ABCA13: variants seen among roughly 807,000 people sequenced by gnomAD.
The protein encoded by ABCA13 is ATP-binding cassette sub-family A member 13.
Under a neutral mutation model 478.7 loss-of-function variants are expected in ABCA13, and 476 were observed. The ratio of observed to expected loss-of-function variants is 0.99; its 90% CI spans 0.92 to 1.07. The LOEUF (loss-of-function observed/expected upper bound fraction) is 1.07. ABCA13 is among the 50% of genes least tolerant of loss of function. ABCA13 has a pLI of 0.00. For missense variants in ABCA13, 6,060 were observed against 5,910.6 expected (o/e 1.03, Z -0.83); for synonymous variants, 2,252 against 2,158.9 (o/e 1.04, Z -1.20).
intron 27 of ABCA13, among the ~76,000 whole-genome samples, chr7:48,329,051 A>T (rs764582112): frequency 6.6e-6 from 1 of 152,200 alleles, no homozygotes; most frequent in Non-Finnish European, 1.5e-5. Flanking sequence ...AGCAGTAGAG[A>T]TGGGAAACAG....
At chr7:48,246,125 A>G (rs1791636053) in intron 13 of ABCA13, 95 bp downstream of exon 13, 3 of 1,382,974 alleles carry the variant, frequency 2.2e-6, no homozygotes, top group African/African-American at 1.4e-5. Context: ...TCGATGAGGA[A>G]AGTTTTGCCG....
chr7:48,391,884 A>T (rs1203291709), intron 37 of ABCA13, 37 bp from the exon 38 acceptor site: 1 of 1,583,708 alleles, frequency 6.3e-7, no homozygotes, highest in Non-Finnish European at 8.6e-7. Flanking sequence ...AGTATCAGCA[A>T]CGCGTATTCT....
intron 59 of ABCA13, among the ~76,000 whole-genome samples, chr7:48,624,059 A>AGTGT (rs3078326): frequency 0.08 from 11,350 of 142,424 alleles, 438 homozygotes; most frequent in African/African-American, 0.09. Context: ...CACATGATAG[A>AGTGT]GTGTGTGTGT....
chr7:48,401,840 A>T (rs969449498), intron 38 of ABCA13, among the ~76,000 whole-genome samples: 5 of 152,154 alleles, frequency 3.3e-5, no homozygotes, highest in Admixed American at 2.6e-4. Context: ...CATCAGGAAA[A>T]CAGGCCTCCA....
intron 59 of ABCA13, among the ~76,000 whole-genome samples, chr7:48,623,457 A>T (rs922339136): frequency 3.3e-5 from 5 of 152,154 alleles, no homozygotes; most frequent in East Asian, 3.9e-4. Flanking sequence ...TCTGCTTTAC[A>T]TCCTTGATCT....
chr7:48,506,379 C>G lies in ABCA13; in HGVS notation c.13335C>G (p.Asn4445Lys), dbSNP rs746139643. 3 of 1,613,598 alleles carry G rather than the reference C, an allele frequency of 1.9e-6. No individual in the cohort carries two copies. The African/African-American group carries it at 4.0e-5, about 22-fold the overall frequency. ...YSHPYGGALL[N>K]EDKILESIRQ... ...ACCCATATGGAGGGGCCTTGCTGAA[C>G]GAGGACAAGATGTGAGTTGATGGAA... Residue 4445 changes from asparagine to lysine, a missense_variant, in exon 49 of 62, where the codon AAC becomes AAG. Physicochemically the swap from Asn to Lys is moderately conservative, Grantham distance 94. This residue lies in a region of ABCA13 where 1,627 missense variants were observed against 1,571.0 expected (regional missense o/e 1.04). Transcript: ENST00000435803.
At chr7:48,637,533 C>T (rs548104675) in intron 59 of ABCA13, among the ~76,000 whole-genome samples, 9 of 151,846 alleles carry the variant, frequency 5.9e-5, no homozygotes, top group African/African-American at 1.9e-4. Flanking sequence ...TTTATCTAGA[C>T]TCTAGGGTAT....
chr7:48,272,830 T>C lies in ABCA13; in HGVS notation c.3164T>C (p.Leu1055Pro). 6.2e-7 allele frequency: 1 copy of C among 1,607,024 alleles called. No homozygotes were observed. Among genetic ancestry groups the C allele is most frequent in the South Asian group, 1.1e-5 (1 of 90,256 alleles). ...QSFMSTEGQE[L>P]EVIHTTLTGL... ...TTCATGTCTACAGAGGGCCAAGAAC[T>C]GGAAGTGATCCACACTACTTTGACA... The change falls in exon 17 of 62, where the codon CTG (leucine) becomes CCG (proline). Residue 1055 changes from leucine to proline, a missense_variant. Around this residue, in one of 3 missense-constraint regions of ABCA13, gnomAD observed 4,423 missense variants for 4,309.1 expected, o/e 1.03. Coordinates refer to ENST00000435803, the MANE Select transcript of ABCA13 (RefSeq NM_152701.5).
chr7:48,295,288 A>G, intron 20 of ABCA13, among the ~76,000 whole-genome samples: 1 of 152,202 alleles, frequency 6.6e-6, no homozygotes, highest in Middle Eastern at 3.2e-3. Context: ...AGTGAAATTG[A>G]GCACCTTTTC....
At chr7:48,401,634 T>C (rs1235245918) in intron 38 of ABCA13, among the ~76,000 whole-genome samples, 1 of 152,100 alleles carries the variant, frequency 6.6e-6, no homozygotes, top group East Asian at 1.9e-4. Flanking sequence ...CTATAGACCA[T>C]TTGTGCAATC....
At chr7:48,283,187 G>C (rs902783186) in intron 19 of ABCA13, among the ~76,000 whole-genome samples, 1 of 152,090 alleles carries the variant, frequency 6.6e-6, no homozygotes, top group Admixed American at 6.5e-5. Context: ...AGAAGAGGAA[G>C]GGTTACCGGC....
intron 19 of ABCA13, among the ~76,000 whole-genome samples, chr7:48,287,553 A>G (rs910295808): frequency 7.9e-5 from 12 of 152,174 alleles, no homozygotes; most frequent in Admixed American, 5.9e-4. Context: ...AAGACCACAC[A>G]TAGACAGTGT....
Position 48,483,137 on chromosome 7 carries a change from A to T in ABCA13, c.13156A>T (p.Ile4386Leu). The T allele has an allele frequency of 6.2e-7, 1 of 1,613,322 alleles. No homozygotes were observed. The highest frequency in any genetic ancestry group is 8.5e-7 in the Non-Finnish European group (1 of 1,179,632). The part of the protein sequence containing the change: ...PSEAGGANGN[I>L]SKPPTLAKVW... ...TGAAGCTGGAGGTGCAAATGGAAAC[A>T]TATCAAAACCCCCAACTCTGGCAAA... The change falls in exon 47 of 62, where the codon ATA becomes TTA. Residue 4386 changes from isoleucine to leucine, a missense_variant. By Grantham distance (5) the Ile-to-Leu change is conservative. Coordinates refer to ENST00000435803, the MANE Select transcript of ABCA13 (RefSeq NM_152701.5).
intron 59 of ABCA13, among the ~76,000 whole-genome samples, chr7:48,636,406 T>A (rs1038781899): frequency 1.3e-5 from 2 of 152,194 alleles, no homozygotes; most frequent in Non-Finnish European, 2.9e-5. Context: ...AGATTCACTG[T>A]CTTGATTCAC....
intron 9 of ABCA13, among the ~76,000 whole-genome samples, chr7:48,240,170 C>T (rs2129012177): frequency 6.6e-6 from 1 of 152,314 alleles, no homozygotes; most frequent in East Asian, 1.9e-4. Flanking sequence ...GATAAAACAT[C>T]CTTAAAAATA....
chr7:48,251,193 C>G (rs1792500852), intron 15 of ABCA13, among the ~76,000 whole-genome samples: 1 of 152,118 alleles, frequency 6.6e-6, no homozygotes, highest in South Asian at 2.1e-4. Context: ...AGTACTCATC[C>G]TACACTTTAA....
At chr7:48,193,475 T>A (rs976265400) in intron 2 of ABCA13, among the ~76,000 whole-genome samples, 4 of 151,928 alleles carry the variant, frequency 2.6e-5, no homozygotes, top group African/African-American at 9.7e-5. Context: ...AAGATGGTGA[T>A]GATGGAGATG....
intron 35 of ABCA13, among the ~76,000 whole-genome samples, chr7:48,380,156 T>C (rs1283226183): frequency 6.6e-6 from 1 of 152,234 alleles, no homozygotes; most frequent in African/African-American, 2.4e-5. Flanking sequence ...TTTCACCAAA[T>C]GGTCTTATTG....
In ABCA13 at chr7:48,273,729, G is replaced by T; in HGVS notation, c.4063G>T (p.Glu1355Ter). The part of the protein sequence containing the change: ...SCADIFQNVT[E>*]CILEDGFLYV... The stretch of plus-strand genomic sequence containing the variant: ...TGCTGATATTTTCCAAAATGTTACT[G>T]AGTGTATTTTAGAAGATGGCTTTTT... Residue 1355 changes from glutamate to a stop codon, truncating the protein, a stop_gained, in exon 17 of 62, where the codon GAG becomes TAG. Coordinates refer to ENST00000435803, the MANE Select transcript of ABCA13 (RefSeq NM_152701.5). LOFTEE classifies it high-confidence loss of function. 1 of 1,609,452 alleles carries T rather than the reference G, an allele frequency of 6.2e-7. No individual in the cohort carries two copies. The highest frequency in any genetic ancestry group is 1.1e-5 in the South Asian group (1 of 90,528).
Sources: gnomAD v4.1 joint callset for allele counts (sites outside exome capture counted in the v4.1 genomes callset) on GRCh38, gnomAD v4.1.1 for gene constraint, gnomAD v4.1.1 regional missense constraint, MANE v1.5 for transcripts, NCBI Gene and HGNC (gene_info 2026-07-23, HGNC 2026-07-21) for gene names.